Variants in PKD1L1 observed in about 807,000 individuals in gnomAD.
PKD1L1 encodes the protein polycystin 1 like 1, transient receptor potential channel interacting, also known as polycystin-1-like protein 1.
PKD1L1 carries 236 observed loss-of-function variants against 323.4 expected under a neutral mutation model. The ratio of observed to expected loss-of-function variants is 0.73; its 90% CI spans 0.66 to 0.81. PKD1L1 has a LOEUF of 0.81. Ranked by LOEUF, PKD1L1 falls within the 40% of genes least tolerant of loss-of-function variation. The pLI, the probability that PKD1L1 is intolerant of heterozygous loss-of-function variation, is 0.00. For missense variants in PKD1L1, 3,320 were observed against 3,508.0 expected (o/e 0.95, Z 1.35); for synonymous variants, 1,344 against 1,335.0 (o/e 1.01, Z -0.15).
rs1327749559 is a variant in PKD1L1 at position 47,845,116 on chromosome 7, G to A, written c.5154-38C>T. On this transcript the variant is annotated intron_variant, in intron 32 of 56. Transcript: ENST00000289672. ...TGCGGATGAGGATACAGAATGTGTG[G>A]AGAGAGCAGCTGTTGACAGTGTAAT... 1.9e-6 allele frequency: 3 copies of A among 1,555,978 alleles called. No individual in the cohort carries two copies. The African/African-American group carries it at 4.1e-5, about 21-fold the overall frequency.
At position 47,900,286 on chromosome 7, in the gene PKD1L1, T is replaced by G. The variant is rs150761297; in HGVS notation, c.2065-2092A>C. On this transcript the variant is annotated intron_variant, in intron 13 of 56. Coordinates refer to ENST00000289672, the MANE Select transcript of PKD1L1 (RefSeq NM_138295.5). ...GAGTTGGTCCCTCAGAGCGGACACA[T>G]GTGAGCTGCTACAAAAACATCTCTA... is the stretch of plus-strand genomic sequence containing the variant. Among the ~76,000 whole-genome samples, 13 of 152,306 alleles carry G rather than the reference T, an allele frequency of 8.5e-5. No homozygotes were observed. The East Asian group carries it at 2.5e-3, about 29-fold the overall frequency.
rs754419298 is a variant in PKD1L1, at chr7:47,803,227, T to TG, written c.7944dup (p.Ser2649GlnfsTer61). On this transcript the variant is annotated frameshift_variant, in exon 53 of 57. Coordinates refer to ENST00000289672, the MANE Select transcript of PKD1L1 (RefSeq NM_138295.5). LOFTEE classifies it high-confidence loss of function. Reference sequence around the variant, plus strand: ...GTTCTTACCCCTGCTACAAAGATGCTGGGGAGTGAGTGGCGCATCATGGAG... The same window carrying TG: ...GTTCTTACCCCTGCTACAAAGATGCTGGGGGAGTGAGTGGCGCATCATGGAG... The TG allele has an allele frequency of 3.1e-6, 5 of 1,614,072 alleles. No individual in the cohort carries two copies. In the Admixed American group the frequency reaches 6.7e-5, roughly 22 times the overall value.
chr7:47,932,139 T>G, intron 4 of PKD1L1, 83 bp from the exon 5 acceptor site: 1 of 1,514,668 alleles, frequency 6.6e-7, no homozygotes, highest in Non-Finnish European at 8.8e-7. Flanking sequence ...TTACAAATCA[T>G]GCCCTTCACC....
At chr7:47,775,314 G>T in intron 56 of PKD1L1, 148 bp from the exon 57 acceptor site, 2 of 754,048 alleles carry the variant, frequency 2.7e-6, no homozygotes, top group Non-Finnish European at 4.3e-6. Context: ...AGAACACTTT[G>T]CTCAACAACA....
chr7:47,800,845 T>C lies in PKD1L1; in HGVS notation c.7997A>G (p.His2666Arg), dbSNP rs572611853. 1 of 1,613,910 alleles carries C rather than the reference T, an allele frequency of 6.2e-7. No individual in the cohort carries two copies. The highest frequency in any genetic ancestry group is 1.7e-5 in the Admixed American group (1 of 60,000). The change falls in exon 54 of 57, where the codon CAC becomes CGC. Residue 2666 changes from histidine (H) to arginine (R), a missense_variant. By Grantham distance (29) the His-to-Arg change is conservative (BLOSUM62 0). Coordinates refer to ENST00000289672, the MANE Select transcript of PKD1L1 (RefSeq NM_138295.5). Reference protein sequence around the residue: ...VGALMLAALSHLHRFLLSMWV... With the variant: ...VGALMLAALSRLHRFLLSMWV... The stretch of plus-strand genomic sequence containing the variant: ...CATAGAGAGCAGAAATCGGTGCAGG[T>C]GGGAGAGGGCGGCCAGCATCAGTGC...
intron 26 of PKD1L1, among the ~76,000 whole-genome samples, chr7:47,859,968 C>A (rs1176810839): frequency 1.3e-5 from 2 of 152,130 alleles, no homozygotes; most frequent in Non-Finnish European, 2.9e-5. Flanking sequence ...TTCAAACCTA[C>A]ACAAAGTAGA....
In PKD1L1 at chr7:47,794,569, G is replaced by A. The variant is rs371222998; in HGVS notation, c.8355+1420C>T. 2.4e-4 allele frequency among the ~76,000 whole-genome samples: 37 copies of A among 152,346 alleles called. No homozygotes were observed. The East Asian group carries it at 3.9e-3, about 16-fold the overall frequency. On this transcript the variant is annotated intron_variant, in intron 55 of 56. Coordinates refer to ENST00000289672, the MANE Select transcript of PKD1L1 (RefSeq NM_138295.5). Reference sequence around the variant, plus strand: ...GGCAAAAGTTTTCTGCAGGGGCGGGGCCCTTATGGAGAACTGCTAGGGCAG... The same window carrying A: ...GGCAAAAGTTTTCTGCAGGGGCGGGACCCTTATGGAGAACTGCTAGGGCAG...
chr7:47,795,229 CA>C, intron 55 of PKD1L1: 2 of 366,866 alleles, frequency 5.5e-6, no homozygotes, highest in Non-Finnish European at 1.1e-5. Flanking sequence ...AGAATTCCCA[CA>C]TGTTGTGGGA....
At chr7:47,850,069 A>G (rs1785746392) in intron 31 of PKD1L1, among the ~76,000 whole-genome samples, 1 of 152,188 alleles carries the variant, frequency 6.6e-6, no homozygotes, top group African/African-American at 2.4e-5. Flanking sequence ...GGTGCAGGGT[A>G]TACTGCTCGG....
At chr7:47,833,586 C>T (rs946164339) in intron 40 of PKD1L1, among the ~76,000 whole-genome samples, 1 of 152,076 alleles carries the variant, frequency 6.6e-6, no homozygotes, top group Non-Finnish European at 1.5e-5. Flanking sequence ...TGAACAAAGC[C>T]TCCAAGTGGG....
intron 42 of PKD1L1, 60 bp from the exon 43 acceptor site, chr7:47,830,184 C>A: frequency 7.1e-7 from 1 of 1,411,496 alleles, no homozygotes; most frequent in South Asian, 1.2e-5. Context: ...ACCCAGCAGT[C>A]ATTGCTGCCT....
Position 47,833,224 on chromosome 7 carries a change from C to T in PKD1L1, c.6203G>A (p.Ser2068Asn), listed in dbSNP as rs773513970. The change falls in exon 41 of 57, where the codon AGT becomes AAT. Residue 2068 changes from serine (S) to asparagine (N), a missense_variant. By Grantham distance (46) the Ser-to-Asn change is conservative. Transcript: ENST00000289672. Reference protein sequence around the residue: ...KQPASAILSGSGRAQRKAASD... With the variant: ...KQPASAILSGNGRAQRKAASD... ...TGCCGCCTTCCTTTGGGCCCTGCCACTCCCAGAGAGAATGGCTGATGCAGG... is the reference window on the plus strand; with the variant it reads ...TGCCGCCTTCCTTTGGGCCCTGCCATTCCCAGAGAGAATGGCTGATGCAGG... The T allele has an allele frequency of 7.4e-6, 12 of 1,613,010 alleles. No homozygotes were observed. The South Asian group carries it at 1.1e-4, about 15-fold the overall frequency.
chr7:47,889,251 G>C (rs1786755316), intron 16 of PKD1L1, among the ~76,000 whole-genome samples: 1 of 152,182 alleles, frequency 6.6e-6, no homozygotes. Flanking sequence ...ATGTTCACCT[G>C]ATAGCTTTGG....
upstream of PKD1L1, among the ~76,000 whole-genome samples, chr7:47,952,787 T>C (rs990374356): frequency 7.9e-5 from 12 of 152,298 alleles, no homozygotes; most frequent in South Asian, 4.1e-4. Context: ...TTTAAAGCCA[T>C]TGTCAAGTTA....
At chr7:47,858,495 T>A (rs547591297) in intron 27 of PKD1L1, among the ~76,000 whole-genome samples, 178 bp downstream of exon 27, 4 of 152,168 alleles carry the variant, frequency 2.6e-5, no homozygotes, top group Non-Finnish European at 5.9e-5. Flanking sequence ...AATATTACCA[T>A]GAAATACTTA....
At position 47,794,032 on chromosome 7, in the gene PKD1L1, G is replaced by A. The variant is rs536123433; in HGVS notation, c.8356-1235C>T. Among the ~76,000 whole-genome samples, 58 of 152,310 alleles carry A rather than the reference G, an allele frequency of 3.8e-4. 6 individuals carry two copies. The South Asian group carries it at 0.012, about 32-fold the overall frequency. On this transcript the variant is annotated intron_variant, in intron 55 of 56. Transcript: ENST00000289672. ...CTAAGCAGCAAAGCATTCAAAAGGT[G>A]ACTTGGGTGCTGTTAAAAGCATTCC...
chr7:47,856,902 G>T (rs1425988075), intron 28 of PKD1L1, among the ~76,000 whole-genome samples: 1 of 146,634 alleles, frequency 6.8e-6, no homozygotes, highest in Non-Finnish European at 1.5e-5. Context: ...CCAGACTGGG[G>T]TCGGGGGCTA....
chr7:47,839,035 T>C lies in PKD1L1; in HGVS notation c.5769+411A>G, dbSNP rs1212163886. 6.6e-6 allele frequency among the ~76,000 whole-genome samples: 1 copy of C among 152,208 alleles called. No homozygotes were observed. The highest frequency in any genetic ancestry group is 1.5e-5 in the Non-Finnish European group (1 of 68,042). On this transcript the variant is annotated intron_variant, in intron 36 of 56. Transcript: ENST00000289672. This position sits in a 1 kb window ranked among gnomAD's most constrained non-coding sequence, Gnocchi z 4.3. Reference sequence around the variant, plus strand: ...GAGGTTATCTGTTATTCTGTCACTCTGGCTATCTCCTGCCATCCTGGACCT... The same window carrying C: ...GAGGTTATCTGTTATTCTGTCACTCCGGCTATCTCCTGCCATCCTGGACCT...
chr7:47,857,845 G>T lies in PKD1L1; in HGVS notation c.4363-13C>A, dbSNP rs759965233. Reference sequence around the variant, plus strand: ...AAGAGAGACAACCCTGAAACATAGAGCATAGGGAGTGGGATGTTTATAACA... The same window carrying T: ...AAGAGAGACAACCCTGAAACATAGATCATAGGGAGTGGGATGTTTATAACA... On this transcript the variant is annotated splice_polypyrimidine_tract_variant and intron_variant, in intron 27 of 56. Transcript: ENST00000289672. The T allele has an allele frequency of 6.2e-7, 1 of 1,610,008 alleles. No homozygotes were observed. Among genetic ancestry groups the T allele is most frequent in the Non-Finnish European group, 8.5e-7 (1 of 1,176,494 alleles).
Sources: gnomAD v4.1 joint callset for allele counts (sites outside exome capture counted in the v4.1 genomes callset) on GRCh38, gnomAD v4.1.1 for gene constraint, Gnocchi (gnomAD v3.1) non-coding constraint, MANE v1.5 for transcripts, NCBI Gene and HGNC (gene_info 2026-07-23, HGNC 2026-07-21) for gene names.